NTRK3: variants seen among roughly 807,000 people sequenced by gnomAD.
NTRK3 encodes NT-3 growth factor receptor.
Under a neutral mutation model 91.7 loss-of-function variants are expected in NTRK3, and 24 were observed. That is an observed-to-expected ratio of 0.26 (90% CI 0.19 to 0.37). The LOEUF (loss-of-function observed/expected upper bound fraction) is 0.37. NTRK3 is among the 10% of genes least tolerant of loss of function. The pLI is 1.00. For synonymous variants in NTRK3, 483 were observed against 404.0 expected, an observed-to-expected ratio of 1.20 and a Z score of -2.34; for missense variants, 880 against 1,068.9, an observed-to-expected ratio of 0.82 and a Z score of 2.46.
At chr15:87,934,419 G>C (rs1336507171) in intron 15 of NTRK3, among the ~76,000 whole-genome samples, 2 of 152,124 alleles carry the variant, frequency 1.3e-5, no homozygotes, top group Non-Finnish European at 2.9e-5. Context: ...TCTCTGCTAG[G>C]CATCTGGCTT....
At chr15:87,939,807 T>C (rs1243461450) in intron 15 of NTRK3, among the ~76,000 whole-genome samples, 3 of 152,250 alleles carry the variant, frequency 2.0e-5, no homozygotes, top group Non-Finnish European at 2.9e-5. Context: ...ATGAGGCTAC[T>C]TGACTCTTTT....
intron 14 of NTRK3, among the ~76,000 whole-genome samples, chr15:87,986,010 A>G (rs1275375847): frequency 6.6e-6 from 1 of 152,238 alleles, no homozygotes; most frequent in Non-Finnish European, 1.5e-5. Flanking sequence ...ACATGGGTGA[A>G]GTGACCTCTT....
At chr15:87,943,133 T>C (rs558850205) in intron 14 of NTRK3, among the ~76,000 whole-genome samples, 2 of 152,264 alleles carry the variant, frequency 1.3e-5, no homozygotes, top group African/African-American at 4.8e-5. Flanking sequence ...TAGGTCCAGG[T>C]TGAGGCCTGA....
chr15:88,023,283 A>G (rs1210917338), intron 14 of NTRK3, among the ~76,000 whole-genome samples: 4 of 152,156 alleles, frequency 2.6e-5, no homozygotes, highest in Non-Finnish European at 1.5e-5. Flanking sequence ...TTCTACAAAG[A>G]AAGAATACTA....
At chr15:88,012,397 CT>C (rs2076942904) in intron 14 of NTRK3, among the ~76,000 whole-genome samples, 1 of 152,194 alleles carries the variant, frequency 6.6e-6, no homozygotes, top group South Asian at 2.1e-4. Flanking sequence ...ATTCTTGCGC[CT>C]TGCTTACATC....
chr15:87,908,202 C>T (rs1040586341), intron 17 of NTRK3, among the ~76,000 whole-genome samples: 5 of 152,200 alleles, frequency 3.3e-5, no homozygotes, highest in Non-Finnish European at 7.3e-5. Flanking sequence ...GCCCTGGCAG[C>T]CATGTGAACT....
intron 5 of NTRK3, among the ~76,000 whole-genome samples, chr15:88,152,981 G>A (rs2043532707): frequency 6.6e-6 from 1 of 152,212 alleles, no homozygotes; most frequent in Non-Finnish European, 1.5e-5. Context: ...TCTTCCTGGA[G>A]GATTCATTCT....
At chr15:87,910,584 T>C (rs936026145) in intron 17 of NTRK3, among the ~76,000 whole-genome samples, 7 of 152,316 alleles carry the variant, frequency 4.6e-5, no homozygotes, top group African/African-American at 1.7e-4. Context: ...GCTGCAAATG[T>C]AAATTTCAAA....
intron 14 of NTRK3, among the ~76,000 whole-genome samples, chr15:87,946,426 C>T (rs982857337): frequency 1.3e-5 from 2 of 152,200 alleles, no homozygotes; most frequent in Non-Finnish European, 2.9e-5. Flanking sequence ...TGAGTGTGTG[C>T]ACTCAGTCAC....
intron 17 of NTRK3, among the ~76,000 whole-genome samples, chr15:87,899,577 G>C (rs1442354479): frequency 6.6e-6 from 1 of 152,056 alleles, no homozygotes; most frequent in African/African-American, 2.4e-5. Flanking sequence ...CGAGCCTTTG[G>C]GCCCCCCTTT....
At chr15:88,105,591 C>A (rs950831417) in intron 13 of NTRK3, among the ~76,000 whole-genome samples, 1 of 152,174 alleles carries the variant, frequency 6.6e-6, no homozygotes, top group African/African-American at 2.4e-5. Context: ...CTGGATTTAC[C>A]AGCAGGGCTA....
intron 14 of NTRK3, among the ~76,000 whole-genome samples, chr15:87,950,733 C>T (rs1027197826): frequency 6.6e-6 from 1 of 152,246 alleles, no homozygotes; most frequent in African/African-American, 2.4e-5. Flanking sequence ...TGGAGCGTGT[C>T]GAAGGAGCTA....
At chr15:87,895,541 C>T (rs2066068979) in intron 17 of NTRK3, among the ~76,000 whole-genome samples, 2 of 152,128 alleles carry the variant, frequency 1.3e-5, no homozygotes, top group African/African-American at 2.4e-5. Context: ...AATATATTTC[C>T]TTGCCATACC....
At chr15:88,174,558 T>C (rs150635279) in intron 5 of NTRK3, among the ~76,000 whole-genome samples, 1 of 152,298 alleles carries the variant, frequency 6.6e-6, no homozygotes, top group East Asian at 1.9e-4. Flanking sequence ...CCAAATGCTG[T>C]TCCCTTGGCA....
intron 14 of NTRK3, among the ~76,000 whole-genome samples, chr15:87,996,051 C>G (rs2141559399): frequency 6.6e-6 from 1 of 152,114 alleles, no homozygotes; most frequent in South Asian, 2.1e-4. Flanking sequence ...CAAGACCAGC[C>G]TGGCCAGCAT....
intron 13 of NTRK3, among the ~76,000 whole-genome samples, chr15:88,090,378 G>GAAAGGAAGGAAGGAGA (rs1240340715): frequency 2.6e-5 from 4 of 151,036 alleles, no homozygotes; most frequent in Non-Finnish European, 5.9e-5. Flanking sequence ...AAATGCTGAA[G>GAAAGGAAGGAAGGAGA]AAAGGAAGGA....
chr15:88,100,550 G>A (rs527322781), intron 13 of NTRK3, among the ~76,000 whole-genome samples: 2 of 152,322 alleles, frequency 1.3e-5, no homozygotes, highest in African/African-American at 4.8e-5. Flanking sequence ...CAGCAGTGCA[G>A]AGAACAAAAA....
intron 14 of NTRK3, among the ~76,000 whole-genome samples, chr15:87,948,087 G>A (rs1485359355): frequency 2.0e-5 from 3 of 152,208 alleles, no homozygotes; most frequent in Admixed American, 2.0e-4. Context: ...CAAGCAAGAG[G>A]AGCTAATTGC....
rs149673306 is a variant in NTRK3 at position 88,021,248 on chromosome 15, G to A, written c.1585+11609C>T. ...GAATGCAGCTACGTCCTGTCCCTCCGAGGGGCTTGAGAGGAAATGTGACAG... is the reference window on the plus strand; with the variant it reads ...GAATGCAGCTACGTCCTGTCCCTCCAAGGGGCTTGAGAGGAAATGTGACAG... On this transcript the variant is annotated intron_variant, in intron 14 of 18. Transcript: ENST00000394480. 1.2e-4 allele frequency among the ~76,000 whole-genome samples: 18 copies of A among 152,324 alleles called. 1 individual carries two copies. The highest frequency in any genetic ancestry group is 9.7e-4 in the East Asian group (5 of 5,178).
Sources: gnomAD v4.1 joint callset for allele counts (sites outside exome capture counted in the v4.1 genomes callset) on GRCh38, gnomAD v4.1.1 for gene constraint, MANE v1.5 for transcripts, NCBI Gene and HGNC (gene_info 2026-07-23, HGNC 2026-07-21) for gene names.